The following ARHGAP42 variants were observed in gnomAD, a reference collection of about 807,000 sequenced individuals.
ARHGAP42 encodes rho GTPase-activating protein 42.
A neutral mutation model predicts 125.0 loss-of-function variants in ARHGAP42; 63 were observed. That is an observed-to-expected ratio of 0.50 (90% confidence interval 0.41 to 0.62). The LOEUF (loss-of-function observed/expected upper bound fraction) is 0.62. Ranked by LOEUF, ARHGAP42 falls within the 20% of genes least tolerant of loss-of-function variation. ARHGAP42 has a pLI of 0.00. For synonymous variants in ARHGAP42, 339 were observed against 351.0 expected (o/e 0.97, Z 0.38); for missense variants, 766 against 1,024.2 (o/e 0.75, Z 3.44).
chr11:100,778,156 T>G (rs976197536), intron 2 of ARHGAP42, among the ~76,000 whole-genome samples: 1 of 151,820 alleles, frequency 6.6e-6, no homozygotes, highest in Non-Finnish European at 1.5e-5. Context: ...CTGGGTAACA[T>G]GTTGAGACCC....
At chr11:100,913,052 C>G (rs1193525942) in intron 4 of ARHGAP42, among the ~76,000 whole-genome samples, 1 of 151,970 alleles carries the variant, frequency 6.6e-6, no homozygotes, top group African/African-American at 2.4e-5. Flanking sequence ...AACAAAAAGC[C>G]TAAAAAAGAC....
intron 3 of ARHGAP42, among the ~76,000 whole-genome samples, chr11:100,837,160 A>C (rs1014134328): frequency 6.6e-6 from 1 of 152,042 alleles, no homozygotes; most frequent in African/African-American, 2.4e-5. Context: ...CTTTGTCTTG[A>C]GACTGTTTCA....
At chr11:100,947,843 T>C (rs1868066165) in intron 10 of ARHGAP42, among the ~76,000 whole-genome samples, 1 of 152,010 alleles carries the variant, frequency 6.6e-6, no homozygotes, top group African/African-American at 2.4e-5. Flanking sequence ...CTCCATATGC[T>C]AGTTTTCTCC....
At chr11:100,972,419 G>T (rs1410272161) in intron 17 of ARHGAP42, among the ~76,000 whole-genome samples, 3 of 152,144 alleles carry the variant, frequency 2.0e-5, no homozygotes, top group Non-Finnish European at 4.4e-5. Context: ...AGAGGTTTTT[G>T]ATTTGATTGT....
chr11:100,992,693 G>C lies in ARHGAP42; in HGVS notation c.*3892G>C, dbSNP rs1156610561. The C allele has an allele frequency of 6.3e-7, 1 of 1,581,340 alleles. No individual in the cohort carries two copies. The highest frequency in any genetic ancestry group is 8.6e-7 in the Non-Finnish European group (1 of 1,165,148). ...TAACGTTGGGAAAATGCAGGTTTAT[G>C]AATGATGTGGACTTTTAGAGGATCA... On this transcript the variant is annotated 3_prime_UTR_variant, in exon 24 of 24. Transcript: ENST00000298815.
At chr11:100,709,021 T>C (rs189852449) in intron 1 of ARHGAP42, among the ~76,000 whole-genome samples, 2 of 152,250 alleles carry the variant, frequency 1.3e-5, no homozygotes, top group African/African-American at 4.8e-5. Flanking sequence ...TTGTGATCTG[T>C]CAATCTGCTA....
At position 100,859,583 on chromosome 11, in the gene ARHGAP42, A is replaced by G. The variant is rs992401715; in HGVS notation, c.342A>G (p.Ala114=). ...LIQNANDVLI[A]PLEKFRKEQI... Reference sequence around the variant, plus strand: ...AAAACGCTAACGATGTATTAATTGCACCACTTGAGAAATTTCGAAAAGAAC... The same window carrying G: ...AAAACGCTAACGATGTATTAATTGCGCCACTTGAGAAATTTCGAAAAGAAC... Residue 114 remains alanine (A), a synonymous_variant, in exon 4 of 24, where the codon GCA becomes GCG. Coordinates refer to ENST00000298815, the MANE Select transcript of ARHGAP42 (RefSeq NM_152432.4). The G allele has an allele frequency of 7.9e-5, 121 of 1,522,110 alleles. No homozygotes were observed. The highest frequency in any genetic ancestry group is 1.0e-4 in the Non-Finnish European group (118 of 1,135,998). 94.3% of individuals were successfully genotyped at this position (1,522,110 alleles called of 1,614,324 possible).
intron 3 of ARHGAP42, among the ~76,000 whole-genome samples, chr11:100,808,047 G>A (rs1015975461): frequency 3.1e-5 from 4 of 127,410 alleles, no homozygotes; most frequent in Non-Finnish European, 6.6e-5. Flanking sequence ...ATCTGGGTGA[G>A]GCACTCAATT....
At chr11:100,710,923 G>GT (rs1861555857) in intron 1 of ARHGAP42, among the ~76,000 whole-genome samples, 1 of 152,158 alleles carries the variant, frequency 6.6e-6, no homozygotes, top group Non-Finnish European at 1.5e-5. Context: ...CAACCCTGTG[G>GT]TGCCACACCC....
At chr11:100,943,495 T>G (rs1358911433) in intron 9 of ARHGAP42, among the ~76,000 whole-genome samples, 1 of 152,098 alleles carries the variant, frequency 6.6e-6, no homozygotes, top group Non-Finnish European at 1.5e-5. Context: ...AATTTAACAT[T>G]GTAAGTAAAT....
At chr11:100,915,154 A>G (rs1486648664) in intron 5 of ARHGAP42, among the ~76,000 whole-genome samples, 1 of 152,220 alleles carries the variant, frequency 6.6e-6, no homozygotes, top group African/African-American at 2.4e-5. Flanking sequence ...CCATTAAGAA[A>G]AACTAGATTT....
Position 100,949,908 on chromosome 11 carries a change from G to GT in ARHGAP42, c.1123-3dup. 11 of 1,463,198 alleles carry GT rather than the reference G, an allele frequency of 7.5e-6. No homozygotes were observed. Among genetic ancestry groups the GT allele is most frequent in the Non-Finnish European group, 1.0e-5 (11 of 1,078,892 alleles). 90.6% of individuals were successfully genotyped at this position (1,463,198 alleles called of 1,614,324 possible). On this transcript the variant is annotated splice_polypyrimidine_tract_variant and intron_variant, in intron 11 of 23. Coordinates refer to ENST00000298815, the MANE Select transcript of ARHGAP42 (RefSeq NM_152432.4). ...TGGAAGTAACTAATGGACATCCTTT[G>GT]TTTTTTAGATTTATACTCTGCCTGC...
chr11:100,712,963 T>C (rs1205674804), intron 1 of ARHGAP42, among the ~76,000 whole-genome samples: 1 of 152,232 alleles, frequency 6.6e-6, no homozygotes, highest in Non-Finnish European at 1.5e-5. Flanking sequence ...CTCTTTTCAT[T>C]CCTTTAGAAA....
intron 1 of ARHGAP42, among the ~76,000 whole-genome samples, chr11:100,691,812 C>T (rs1861196358): frequency 6.6e-6 from 1 of 152,138 alleles, no homozygotes; most frequent in Non-Finnish European, 1.5e-5. Context: ...GTGTGAGCCA[C>T]CATATCCAGT....
intron 1 of ARHGAP42, among the ~76,000 whole-genome samples, chr11:100,716,016 C>G (rs1009843477): frequency 6.6e-6 from 1 of 152,092 alleles, no homozygotes; most frequent in African/African-American, 2.4e-5. Context: ...AGGGACAGCA[C>G]TGAAGCAGAA....
At chr11:100,779,545 TATATACATATAC>T (rs1467207915) in intron 2 of ARHGAP42, among the ~76,000 whole-genome samples, 1 of 141,788 alleles carries the variant, frequency 7.1e-6, no homozygotes, top group Non-Finnish European at 1.5e-5. Flanking sequence ...TATACGTATA[TATATACATATAC>T]ATACGTATAT....
At chr11:100,949,991 A>G in intron 12 of ARHGAP42, 35 bp downstream of exon 12, 1 of 1,321,016 alleles carries the variant, frequency 7.6e-7, no homozygotes. Flanking sequence ...AAATTTTATC[A>G]TGAAGTTATT....
At chr11:100,930,498 T>G (rs1867545412) in intron 6 of ARHGAP42, among the ~76,000 whole-genome samples, 1 of 152,124 alleles carries the variant, frequency 6.6e-6, no homozygotes, top group Non-Finnish European at 1.5e-5. Context: ...TTCCATAGGA[T>G]TGTACATTTC....
rs1555021054 is a variant in ARHGAP42 at position 100,903,115 on chromosome 11, G to GTGCA, written c.385-10337_385-10336insTGCA. Among the ~76,000 whole-genome samples, 9 of 13,718 alleles carry GTGCA rather than the reference G, an allele frequency of 6.6e-4. No individual in the cohort carries two copies. The South Asian group carries it at 8.5e-3, about 13-fold the overall frequency. 9.0% of individuals were successfully genotyped at this position (13,718 alleles called of 152,430 possible). ...ATTCCTCAATCTTGCTGTCCAAGAT[G>GTGCA]CGCACACACACACACACACACACAC... On this transcript the variant is annotated intron_variant, in intron 4 of 23. Coordinates refer to ENST00000298815, the MANE Select transcript of ARHGAP42 (RefSeq NM_152432.4).
Sources: allele counts gnomAD v4.1 joint callset (sites outside exome capture counted in the v4.1 genomes callset), GRCh38; gene constraint gnomAD v4.1.1; transcripts MANE v1.5; gene names NCBI Gene and HGNC (gene_info 2026-07-23, HGNC 2026-07-21).